MARCHF1: variants seen among roughly 807,000 people sequenced by gnomAD.
MARCHF1 encodes membrane associated ring-CH-type finger 1.
Under a neutral mutation model 54.2 loss-of-function variants are expected in MARCHF1, and 40 were observed. The observed-to-expected ratio is 0.74, with a 90% CI of 0.57 to 0.96. The LOEUF is 0.96. Ranked by LOEUF, MARCHF1 falls within the 40% of genes least tolerant of loss-of-function variation. The pLI, the probability that MARCHF1 is intolerant of heterozygous loss-of-function variation, is 0.00. For synonymous variants in MARCHF1, 236 were observed against 236.3 expected, an observed-to-expected ratio of 1.00 and a Z score of 0.01; for missense variants, 586 against 656.5, an observed-to-expected ratio of 0.89 and a Z score of 1.17.
chr4:164,217,480 A>G (rs1410524750), intron 1 of MARCHF1, among the ~76,000 whole-genome samples: 1 of 152,224 alleles, frequency 6.6e-6, no homozygotes, highest in Non-Finnish European at 1.5e-5. Context: ...TGTTAGTATT[A>G]TTAATGATTG....
chr4:163,858,999 T>A (rs978401), intron 3 of MARCHF1, among the ~76,000 whole-genome samples: 24,406 of 152,128 alleles, frequency 0.16, 2,445 homozygotes, highest in African/African-American at 0.27. Flanking sequence ...TGGAGAGAGA[T>A]GTTCATAGTT....
intron 4 of MARCHF1, among the ~76,000 whole-genome samples, chr4:163,780,487 T>C (rs1747432821): frequency 6.6e-6 from 1 of 152,176 alleles, no homozygotes; most frequent in Non-Finnish European, 1.5e-5. Context: ...ATTAGATAGC[T>C]CTATAGGTTC....
At chr4:163,720,127 C>T (rs1467029439) in intron 4 of MARCHF1, among the ~76,000 whole-genome samples, 1 of 152,082 alleles carries the variant, frequency 6.6e-6, no homozygotes, top group African/African-American at 2.4e-5. Flanking sequence ...AATGGTATTG[C>T]CTAGGTTTTC....
chr4:164,219,082 G>C (rs531889731), intron 1 of MARCHF1, among the ~76,000 whole-genome samples: 1 of 151,968 alleles, frequency 6.6e-6, no homozygotes, highest in African/African-American at 2.4e-5. Flanking sequence ...GCTTTGTTTT[G>C]CAAGAGTTGT....
At chr4:163,912,680 T>C (rs1010863559) in intron 3 of MARCHF1, among the ~76,000 whole-genome samples, 2 of 152,180 alleles carry the variant, frequency 1.3e-5, no homozygotes, top group African/African-American at 4.8e-5. Flanking sequence ...CTTCTTCTTG[T>C]TTGTGATAAT....
chr4:164,188,526 T>C (rs1397094007), intron 1 of MARCHF1: 2 of 714,386 alleles, frequency 2.8e-6, no homozygotes, highest in Non-Finnish European at 5.2e-6. Flanking sequence ...ACCGGCTGCG[T>C]GGAGATCACC....
At chr4:164,254,021 GAA>G in intron 1 of MARCHF1, among the ~76,000 whole-genome samples, 1 of 152,268 alleles carries the variant, frequency 6.6e-6, no homozygotes, top group South Asian at 2.1e-4. Context: ...TGGTGCTACT[GAA>G]AAGAGATAAT....
At chr4:163,897,273 T>C (rs1750830523) in intron 3 of MARCHF1, among the ~76,000 whole-genome samples, 1 of 152,198 alleles carries the variant, frequency 6.6e-6, no homozygotes, top group African/African-American at 2.4e-5. Flanking sequence ...CATTGGGATA[T>C]ACAACTTACT....
chr4:163,906,833 TCC>T (rs67008142), intron 3 of MARCHF1, among the ~76,000 whole-genome samples: 31 of 151,502 alleles, frequency 2.0e-4, no homozygotes, highest in Admixed American at 2.0e-3. Context: ...TATACACCCC[TCC>T]CCCCCCACAT....
At chr4:163,955,673 T>C (rs545131009) in intron 3 of MARCHF1, among the ~76,000 whole-genome samples, 1 of 152,266 alleles carries the variant, frequency 6.6e-6, no homozygotes, top group African/African-American at 2.4e-5. Context: ...CCTTTATATC[T>C]TCCCAATCCT....
intron 9 of MARCHF1, among the ~76,000 whole-genome samples, chr4:163,531,915 C>T (rs1227358985): frequency 6.6e-6 from 1 of 151,688 alleles, no homozygotes; most frequent in Non-Finnish European, 1.5e-5. Context: ...GTGAGAAAAA[C>T]TATGAAGCTA....
chr4:163,651,740 A>G (rs1406555877), intron 5 of MARCHF1, among the ~76,000 whole-genome samples: 2 of 151,640 alleles, frequency 1.3e-5, no homozygotes, highest in Non-Finnish European at 2.9e-5. Context: ...AGCCATTATC[A>G]AATTTTGTTA....
chr4:164,037,478 C>T (rs1215526862), intron 2 of MARCHF1, among the ~76,000 whole-genome samples: 1 of 152,096 alleles, frequency 6.6e-6, no homozygotes, highest in Admixed American at 6.6e-5. Flanking sequence ...TCTTTATCAG[C>T]AGCCCCAGAT....
In MARCHF1 at chr4:163,983,573, T is replaced by C. The variant is rs72983603; in HGVS notation, c.-39+4928A>G. 2.0e-5 allele frequency among the ~76,000 whole-genome samples: 3 copies of C among 152,202 alleles called. No individual in the cohort carries two copies. The East Asian group carries it at 5.8e-4, about 29-fold the overall frequency. ...TAGCAGGTTTGGGGGTTACATTTACTCTTTGGGGATAATAATTTGGTGTCT... is the reference window on the plus strand; with the variant it reads ...TAGCAGGTTTGGGGGTTACATTTACCCTTTGGGGATAATAATTTGGTGTCT... On this transcript the variant is annotated intron_variant, in intron 3 of 9. Coordinates refer to ENST00000514618, the MANE Select transcript of MARCHF1 (RefSeq NM_001394959.1).
chr4:164,127,428 GATTT>G (rs1245792634), intron 1 of MARCHF1, among the ~76,000 whole-genome samples: 11 of 152,264 alleles, frequency 7.2e-5, no homozygotes, highest in South Asian at 2.1e-4. Flanking sequence ...ACTTGTGTTA[GATTT>G]ATTAGCCAAA....
intron 3 of MARCHF1, among the ~76,000 whole-genome samples, chr4:163,950,199 C>T (rs906274787): frequency 1.3e-5 from 2 of 152,180 alleles, no homozygotes; most frequent in African/African-American, 2.4e-5. Context: ...ACAGTGCCCA[C>T]AGCACCCAAG....
chr4:163,897,509 T>G (rs1290441200), intron 3 of MARCHF1, among the ~76,000 whole-genome samples: 2 of 151,986 alleles, frequency 1.3e-5, no homozygotes, highest in African/African-American at 4.8e-5. Flanking sequence ...ATGGTACAGG[T>G]ACAAAAATAG....
intron 1 of MARCHF1, among the ~76,000 whole-genome samples, chr4:164,320,089 T>C (rs1735102576): frequency 6.6e-6 from 1 of 152,174 alleles, no homozygotes; most frequent in Admixed American, 6.5e-5. Context: ...AATTGTATTA[T>C]TAAGTCCAAT....
At chr4:163,986,216 A>C (rs1255434450) in intron 3 of MARCHF1, among the ~76,000 whole-genome samples, 5 of 132,742 alleles carry the variant, frequency 3.8e-5, no homozygotes, top group Non-Finnish European at 7.9e-5. Context: ...GAAGGCTCAG[A>C]GTTTCCTTTC....
Sources: gnomAD v4.1 joint callset for allele counts (sites outside exome capture counted in the v4.1 genomes callset) on GRCh38, gnomAD v4.1.1 for gene constraint, MANE v1.5 for transcripts, NCBI Gene and HGNC (gene_info 2026-07-23, HGNC 2026-07-21) for gene names.